The following RYR2 variants were observed in gnomAD, a reference collection of about 807,000 sequenced individuals.
RYR2 encodes ryanodine receptor 2, also known as cardiac muscle ryanodine receptor-calcium release channel.
A neutral mutation model predicts 601.1 loss-of-function variants in RYR2; 227 were observed. That is an observed-to-expected ratio of 0.38 (90% CI 0.34 to 0.42). The LOEUF (loss-of-function observed/expected upper bound fraction) is 0.42, where lower values mean the gene tolerates loss of function less well. Ranked by LOEUF, RYR2 falls within the 10% of genes least tolerant of loss-of-function variation. The probability of loss-of-function intolerance (pLI) is 1.00; values close to 1 mark genes in which losing one functional copy is unlikely to be tolerated. For missense variants in RYR2, 4,646 were observed against 6,156.5 expected, an observed-to-expected ratio of 0.75 and a Z score of 8.21; for synonymous variants, 2,223 against 2,175.1, an observed-to-expected ratio of 1.02 and a Z score of -0.61.
chr1:237,115,825 T>A (rs1285771116), intron 1 of RYR2, among the ~76,000 whole-genome samples: 1 of 152,004 alleles, frequency 6.6e-6, no homozygotes, highest in East Asian at 1.9e-4. Flanking sequence ...AAAAATCTTT[T>A]AAATAATTTA....
rs775894748 is a variant in RYR2 at position 237,387,386 on chromosome 1, A to G, written c.676+6A>G. On this transcript the variant is annotated splice_donor_region_variant and intron_variant, in intron 9 of 104. Coordinates refer to ENST00000366574, the MANE Select transcript of RYR2 (RefSeq NM_001035.3). ...AGGAAGTGAGGCAGCCCAAGGTAAA[A>G]ACTCCACTTCAATTAGAGGGCCTGT... The G allele has an allele frequency of 6.2e-7, 1 of 1,613,216 alleles. No homozygotes were observed. The highest frequency in any genetic ancestry group is 1.1e-5 in the South Asian group (1 of 91,062).
rs10925391 is a variant in RYR2, at chr1:237,377,315, A to G, written c.464-8A>G. The G allele has an allele frequency of 1.9e-6, 3 of 1,596,816 alleles. 1 individual carries two copies. In the Admixed American group the frequency reaches 5.2e-5, roughly 28 times the overall value. On this transcript the variant is annotated splice_polypyrimidine_tract_variant and splice_region_variant and intron_variant, in intron 7 of 104. Coordinates refer to ENST00000366574, the MANE Select transcript of RYR2 (RefSeq NM_001035.3). The stretch of plus-strand genomic sequence containing the variant: ...TTTTTCATGTTTCACATATCCGTAT[A>G]TCTGCAGGGGAGGCTTGTTGGTGGA...
At chr1:237,751,344 AATG>A (rs1692519175) in intron 80 of RYR2, among the ~76,000 whole-genome samples, 1 of 152,216 alleles carries the variant, frequency 6.6e-6, no homozygotes, top group African/African-American at 2.4e-5. Flanking sequence ...CATTCCCTCT[AATG>A]ATGAGTCAAC....
intron 1 of RYR2, among the ~76,000 whole-genome samples, chr1:237,125,134 T>C (rs1337115661): frequency 6.6e-6 from 1 of 152,144 alleles, no homozygotes; most frequent in East Asian, 1.9e-4. Flanking sequence ...AGGGTAACAA[T>C]GAGTTTTGAA....
chr1:237,463,071 T>G (rs760462041), intron 16 of RYR2, among the ~76,000 whole-genome samples: 2 of 152,132 alleles, frequency 1.3e-5, no homozygotes, highest in African/African-American at 2.4e-5. Flanking sequence ...AAGTGTTTTG[T>G]TTTGTTTGCT....
At chr1:237,611,780 G>C (rs893325371) in intron 36 of RYR2, among the ~76,000 whole-genome samples, 2 of 151,934 alleles carry the variant, frequency 1.3e-5, no homozygotes, top group African/African-American at 2.4e-5. Flanking sequence ...TTGAAGCCAG[G>C]TCCATTTTTA....
intron 23 of RYR2, among the ~76,000 whole-genome samples, chr1:237,511,039 C>T (rs150600681): frequency 4.5e-4 from 69 of 152,212 alleles, no homozygotes; most frequent in African/African-American, 1.6e-3. Context: ...TAATTGATGT[C>T]TGTAATCAGT....
Position 237,377,604 on chromosome 1 carries a change from G to C in RYR2, c.576+169G>C, listed in dbSNP as rs1701147791. Among the ~76,000 whole-genome samples, 2 of 152,194 alleles carry C rather than the reference G, an allele frequency of 1.3e-5. 1 individual carries two copies. The highest frequency in any genetic ancestry group is 4.1e-4 in the South Asian group (2 of 4,838). ...AACTTCCTAAACGGAAGAATAATGTGATGTGGGTGCAAATATAGCTTATCA... is the reference window on the plus strand; with the variant it reads ...AACTTCCTAAACGGAAGAATAATGTCATGTGGGTGCAAATATAGCTTATCA... On this transcript the variant is annotated intron_variant, in intron 8 of 104. Transcript: ENST00000366574.
intron 17 of RYR2, among the ~76,000 whole-genome samples, 151 bp downstream of exon 17, chr1:237,469,338 T>G (rs935552715): frequency 2.7e-5 from 4 of 145,888 alleles, no homozygotes; most frequent in African/African-American, 1.0e-4. Context: ...GAGGCTGAGG[T>G]AGGAGGATCA....
At chr1:237,132,238 G>A (rs1316618564) in intron 1 of RYR2, among the ~76,000 whole-genome samples, 2 of 152,218 alleles carry the variant, frequency 1.3e-5, no homozygotes, top group Admixed American at 6.5e-5. Context: ...GGGCCTGTGT[G>A]GAGATGAATT....
chr1:237,252,246 T>G (rs1175946755), intron 1 of RYR2, among the ~76,000 whole-genome samples: 2 of 151,994 alleles, frequency 1.3e-5, no homozygotes, highest in Non-Finnish European at 1.5e-5. Context: ...TTCCTCCTAC[T>G]CAACTCAGCC....
chr1:237,657,299 T>A (rs1558155668), intron 53 of RYR2, among the ~76,000 whole-genome samples: 1 of 152,164 alleles, frequency 6.6e-6, no homozygotes, highest in East Asian at 1.9e-4. Flanking sequence ...TCAAAGTTAA[T>A]ACTTTAATAA....
intron 17 of RYR2, among the ~76,000 whole-genome samples, chr1:237,489,436 C>T (rs12069211): frequency 0.3 from 45,224 of 152,012 alleles, 8,121 homozygotes; most frequent in African/African-American, 0.51. Context: ...GTGGGCGGAT[C>T]GCCTGAGATC....
intron 97 of RYR2, among the ~76,000 whole-genome samples, chr1:237,801,450 G>A (rs1442202136): frequency 3.3e-5 from 5 of 149,868 alleles, no homozygotes; most frequent in Admixed American, 2.7e-4. Context: ...GCTGAGGCAC[G>A]AGAATCGCTT....
intron 38 of RYR2, among the ~76,000 whole-genome samples, chr1:237,621,132 T>TA (rs1679033285): frequency 6.6e-6 from 1 of 152,142 alleles, no homozygotes; most frequent in South Asian, 2.1e-4. Context: ...TCCAAACTCT[T>TA]AGAGATACTA....
chr1:237,607,958 C>A (rs1237740984), intron 35 of RYR2, among the ~76,000 whole-genome samples: 1 of 152,180 alleles, frequency 6.6e-6, no homozygotes. Flanking sequence ...ACATGGTATA[C>A]AGCAAATTTA....
intron 1 of RYR2, among the ~76,000 whole-genome samples, chr1:237,136,593 A>G (rs1015481689): frequency 6.6e-6 from 1 of 152,204 alleles, no homozygotes; most frequent in African/African-American, 2.4e-5. Context: ...GGATCTTTCT[A>G]GACCAGGCTG....
At chr1:237,133,516 T>A (rs1351082427) in intron 1 of RYR2, among the ~76,000 whole-genome samples, 1 of 152,196 alleles carries the variant, frequency 6.6e-6, no homozygotes, top group Non-Finnish European at 1.5e-5. Flanking sequence ...GTAGTCCCAC[T>A]CATTTGGAAT....
intron 1 of RYR2, among the ~76,000 whole-genome samples, chr1:237,127,458 A>G (rs546798977): frequency 0.014 from 1,979 of 140,618 alleles, 26 homozygotes; most frequent in South Asian, 0.035. Context: ...CTGGCCGGGC[A>G]GGGGGCTGAC....
Sources: gnomAD v4.1 joint callset for allele counts (sites outside exome capture counted in the v4.1 genomes callset) on GRCh38, gnomAD v4.1.1 for gene constraint, MANE v1.5 for transcripts, NCBI Gene and HGNC (gene_info 2026-07-23, HGNC 2026-07-21) for gene names.